Variants in CFAP46 observed in about 807,000 individuals in gnomAD.
CFAP46 encodes the protein cilia- and flagella-associated protein 46.
In CFAP46, 245 loss-of-function variants were observed where a neutral mutation model predicts 325.7. The observed-to-expected ratio is 0.75, with a 90% CI of 0.68 to 0.84. The LOEUF (loss-of-function observed/expected upper bound fraction) is 0.84, where lower values mean the gene tolerates loss of function less well. Among genes scored for constraint, CFAP46 ranks in the 40% least tolerant of loss-of-function variants. The probability of loss-of-function intolerance (pLI) is 0.00; values close to 1 mark genes in which losing one functional copy is unlikely to be tolerated. For synonymous variants in CFAP46, 1,523 were observed against 1,495.9 expected, an observed-to-expected ratio of 1.02 and a Z score of -0.42; for missense variants, 3,346 against 3,543.0, an observed-to-expected ratio of 0.94 and a Z score of 1.41.
Position 132,808,903 on chromosome 10 carries a change from G to T in CFAP46, c.7666C>A (p.Arg2556=). The part of the protein sequence containing the change: ...DEWRRGGEPR[R]GFSDLEGQAA... ...TGTCCTTCAAGGTCTGAGAAGCCTC[G>T]TCTGTGGAGAAAGGGGCGGGAGCTA... The change falls in exon 58 of 58, where the codon CGA becomes AGA. Residue 2556 remains arginine, a splice_region_variant and synonymous_variant. Transcript: ENST00000368586. The surrounding 1 kb of genome is among the most constrained non-coding windows in gnomAD (Gnocchi z 6.8). The T allele has an allele frequency of 6.3e-7, 1 of 1,581,262 alleles. No homozygotes were observed. Among genetic ancestry groups the T allele is most frequent in the Non-Finnish European group, 8.6e-7 (1 of 1,159,012 alleles).
At chr10:132,898,591 G>T in intron 24 of CFAP46, 1 of 353,176 alleles carries the variant, frequency 2.8e-6, no homozygotes, top group South Asian at 2.3e-5. Flanking sequence ...CCCTCTGCTT[G>T]CTGTTCTCAG....
In CFAP46 at chr10:132,940,597, T is replaced by G. The variant is rs772898015; in HGVS notation, c.371+399A>C. Among the ~76,000 whole-genome samples the G allele has an allele frequency of 4.9e-4, 75 of 151,836 alleles. 1 individual carries two copies. The highest frequency in any genetic ancestry group is 8.5e-4 in the Non-Finnish European group (58 of 67,934). ...AAACAGACTCTTTTTTTTTTTTTAT[T>G]GATACAGAGTCTCGCTGTCATCCAG... On this transcript the variant is annotated intron_variant, in intron 4 of 57. Transcript: ENST00000368586.
At chr10:132,887,147 TTC>T (rs1353604326) in intron 25 of CFAP46, among the ~76,000 whole-genome samples, 8 of 40,938 alleles carry the variant, frequency 2.0e-4, no homozygotes, top group Non-Finnish European at 2.8e-4. Context: ...CCTCTCTCAC[TTC>T]TCTCTCTCCT....
chr10:132,834,754 C>T lies in CFAP46; in HGVS notation c.6766G>A (p.Glu2256Lys). Residue 2256 changes from glutamate to lysine, a missense_variant, in exon 48 of 58, where the codon GAA becomes AAA. Transcript: ENST00000368586. ...IGSEPEGLQV[E>K]EKERPVQRLS... The stretch of plus-strand genomic sequence containing the variant: ...CTCTGCACAGGGCGCTCCTTCTCTT[C>T]CACCTGCAGGCCTTCTGGTTCCTAC... 1 of 1,612,596 alleles carries T rather than the reference C, an allele frequency of 6.2e-7. No homozygotes were observed. The highest frequency in any genetic ancestry group is 8.5e-7 in the Non-Finnish European group (1 of 1,179,412).
intron 36 of CFAP46, 108 bp downstream of exon 36, chr10:132,860,674 G>A (rs945888545): frequency 1.3e-5 from 17 of 1,294,316 alleles, no homozygotes; most frequent in Non-Finnish European, 1.8e-5. Context: ...GATGGATCCA[G>A]GCGTGTCATC....
At chr10:132,923,607 G>A (rs935093410) in intron 11 of CFAP46, among the ~76,000 whole-genome samples, 2 of 151,944 alleles carry the variant, frequency 1.3e-5, no homozygotes, top group African/African-American at 4.8e-5. Flanking sequence ...CCGGACCCCC[G>A]GCCTCGAGCA....
Position 132,847,116 on chromosome 10 carries a change from G to A in CFAP46, c.6088-5C>T. ...CTGGGCCAGAACCATCCTCCTCTGT[G>A]GGGCACAAGGCTCAGGCTCAGGCCA... On this transcript the variant is annotated splice_region_variant and splice_polypyrimidine_tract_variant and intron_variant, in intron 42 of 57. Transcript: ENST00000368586. The surrounding 1 kb of genome is among the most constrained non-coding windows in gnomAD (Gnocchi z 5.2). 4 of 1,609,378 alleles carry A rather than the reference G, an allele frequency of 2.5e-6. No homozygotes were observed. Among genetic ancestry groups the A allele is most frequent in the Non-Finnish European group, 3.4e-6 (4 of 1,178,334 alleles).
At position 132,909,776 on chromosome 10, in the gene CFAP46, G is replaced by A. The variant is rs866926024; in HGVS notation, c.2649+143C>T. The A allele has an allele frequency of 1.3e-4, 101 of 759,574 alleles. No individual in the cohort carries two copies. In the Admixed American group the frequency reaches 1.8e-3, roughly 14 times the overall value. The allele number at this position is 759,574 out of a possible 1,614,324, so 47.1% of individuals were successfully genotyped here. ...AGGGCAGCCAGCGGCGGTGAGCTCA[G>A]TGGGAAAAGGGAGTGCCCAGGCCAT... On this transcript the variant is annotated intron_variant, in intron 20 of 57. Transcript: ENST00000368586.
At chr10:132,923,094 G>T (rs1266226303) in intron 11 of CFAP46, among the ~76,000 whole-genome samples, 1 of 152,224 alleles carries the variant, frequency 6.6e-6, no homozygotes, top group Non-Finnish European at 1.5e-5. Flanking sequence ...GGTCTGGAGA[G>T]GAAGGGCCGT....
chr10:132,858,772 A>G (rs1591058344), intron 38 of CFAP46, among the ~76,000 whole-genome samples: 1 of 152,172 alleles, frequency 6.6e-6, no homozygotes, highest in East Asian at 1.9e-4. Context: ...CGTGTCTGCC[A>G]AGGGCTGGAG....
intron 22 of CFAP46, among the ~76,000 whole-genome samples, chr10:132,907,899 G>A (rs1306464663): frequency 1.3e-5 from 2 of 152,232 alleles, no homozygotes; most frequent in Admixed American, 6.5e-5. Flanking sequence ...CCTCGCAGAC[G>A]CCGAATCTGC....
At chr10:132,861,084 G>GAGAC in intron 35 of CFAP46, 102 bp from the exon 36 acceptor site, 1 of 1,149,090 alleles carries the variant, frequency 8.7e-7, no homozygotes, top group Non-Finnish European at 1.2e-6. Context: ...CAGAGAGGCA[G>GAGAC]AGACAGACAG....
intron 8 of CFAP46, 95 bp from the exon 9 acceptor site, chr10:132,929,899 A>T (rs1849867148): frequency 8.6e-6 from 7 of 816,696 alleles, no homozygotes; most frequent in Non-Finnish European, 1.4e-5. Flanking sequence ...AAGCAGAAGC[A>T]GGAAATAAAG....
intron 44 of CFAP46, among the ~76,000 whole-genome samples, chr10:132,841,636 T>C (rs2135062734): frequency 6.6e-6 from 1 of 152,198 alleles, no homozygotes; most frequent in Non-Finnish European, 1.5e-5. Context: ...CTTTGAAATC[T>C]GGATGGAGGC....
chr10:132,880,029 C>T (rs938192045), intron 28 of CFAP46, among the ~76,000 whole-genome samples: 2 of 152,136 alleles, frequency 1.3e-5, no homozygotes, highest in Admixed American at 6.5e-5. Flanking sequence ...GCTAGAACCG[C>T]GGCCACAGGG....
At chr10:132,915,196 G>A (rs1048339718) in intron 17 of CFAP46, among the ~76,000 whole-genome samples, 2 of 152,272 alleles carry the variant, frequency 1.3e-5, no homozygotes, top group African/African-American at 4.8e-5. Context: ...CAAACGGCTT[G>A]AGCCCTAATT....
chr10:132,929,377 G>A (rs1287463350), intron 9 of CFAP46: 10 of 645,302 alleles, frequency 1.5e-5, no homozygotes, highest in East Asian at 2.7e-5. Context: ...TGATTTACAC[G>A]TCCAATAATG....
intron 29 of CFAP46, 135 bp downstream of exon 29, chr10:132,879,291 T>C: frequency 2.4e-6 from 2 of 832,980 alleles, no homozygotes; most frequent in East Asian, 2.9e-5. Flanking sequence ...CGCAGGAAAT[T>C]GCTCACATCT....
chr10:132,884,658 G>A lies in CFAP46; in HGVS notation c.3627+445C>T, dbSNP rs1564789357. On this transcript the variant is annotated intron_variant, in intron 27 of 57. Transcript: ENST00000368586. This position sits in a 1 kb window ranked among gnomAD's most constrained non-coding sequence, Gnocchi z 5.4. ...TCCATCTCGCCTTCCTGGGGGTGGG[G>A]AAGAGACGCCAACATCCCCAGAACG... is the stretch of plus-strand genomic sequence containing the variant. Among the ~76,000 whole-genome samples the A allele has an allele frequency of 6.6e-6, 1 of 152,072 alleles. No homozygotes were observed. The highest frequency in any genetic ancestry group is 1.5e-5 in the Non-Finnish European group (1 of 68,000).
Sources: gnomAD v4.1 joint callset for allele counts (sites outside exome capture counted in the v4.1 genomes callset) on GRCh38, gnomAD v4.1.1 for gene constraint, Gnocchi (gnomAD v3.1) non-coding constraint, MANE v1.5 for transcripts, NCBI Gene and HGNC (gene_info 2026-07-23, HGNC 2026-07-21) for gene names.